Variants in TAFA5 observed in about 807,000 individuals in gnomAD.
The protein encoded by TAFA5 is TAFA chemokine like family member 5, also known as chemokine-like protein TAFA-5.
A neutral mutation model predicts 15.3 loss-of-function variants in TAFA5; 6 were observed. The ratio of observed to expected loss-of-function variants is 0.39; its 90% confidence interval spans 0.21 to 0.77. TAFA5 has a LOEUF of 0.77. TAFA5 is among the 30% of genes least tolerant of loss of function. The pLI is 0.41. For missense variants in TAFA5, 161 were observed against 193.1 expected (o/e 0.83, Z 0.98); for synonymous variants, 103 against 80.7 (o/e 1.28, Z -1.48).
chr22:48,511,709 G>A lies in TAFA5; in HGVS notation c.112+22005G>A, dbSNP rs535073186. Among the ~76,000 whole-genome samples the A allele has an allele frequency of 1.1e-4, 16 of 152,338 alleles. No homozygotes were observed. In the South Asian group the frequency reaches 3.3e-3, roughly 32 times the overall value. ...GTTGTCACCCGGCCCGGCACACACA[G>A]GCCCTGACGCAGGCCCATCTCTCCA... On this transcript the variant is annotated intron_variant, in intron 1 of 3. Transcript: ENST00000402357.
At chr22:48,612,606 T>TC (rs1220646896) in intron 1 of TAFA5, among the ~76,000 whole-genome samples, 1 of 152,040 alleles carries the variant, frequency 6.6e-6, no homozygotes, top group Non-Finnish European at 1.5e-5. Context: ...TGTCTGCTGT[T>TC]CCCCACGTGT....
At chr22:48,513,330 G>T (rs901992630) in intron 1 of TAFA5, among the ~76,000 whole-genome samples, 1 of 152,210 alleles carries the variant, frequency 6.6e-6, no homozygotes, top group Non-Finnish European at 1.5e-5. Flanking sequence ...TTTGTTACAG[G>T]CCGTTTTGCT....
chr22:48,745,332 C>T (rs1443591185), intron 3 of TAFA5, among the ~76,000 whole-genome samples: 1 of 150,256 alleles, frequency 6.7e-6, no homozygotes, highest in Non-Finnish European at 1.5e-5. Context: ...CCAGGGTTCA[C>T]CCTGAGCATG....
At chr22:48,710,780 G>T (rs1350785426) in intron 3 of TAFA5, among the ~76,000 whole-genome samples, 1 of 152,208 alleles carries the variant, frequency 6.6e-6, no homozygotes, top group Admixed American at 6.5e-5. Context: ...CCTGTCCGGT[G>T]CTTGGTGTGC....
chr22:48,538,744 T>G (rs1212727623), intron 1 of TAFA5, among the ~76,000 whole-genome samples: 2 of 152,158 alleles, frequency 1.3e-5, no homozygotes, highest in Admixed American at 6.5e-5. Flanking sequence ...CGGAGCTCAT[T>G]GAGGGCTCCT....
intron 1 of TAFA5, among the ~76,000 whole-genome samples, chr22:48,499,321 C>T (rs905155199): frequency 6.6e-6 from 1 of 152,182 alleles, no homozygotes; most frequent in Non-Finnish European, 1.5e-5. Context: ...CTGCTTGTTT[C>T]ATTACGCCTG....
chr22:48,709,733 T>C (rs1334274900), intron 3 of TAFA5, among the ~76,000 whole-genome samples: 1 of 152,172 alleles, frequency 6.6e-6, no homozygotes. Context: ...AGAGGACTGC[T>C]CAGTTCACCG....
At chr22:48,600,677 G>A (rs1924935701) in intron 1 of TAFA5, among the ~76,000 whole-genome samples, 1 of 152,204 alleles carries the variant, frequency 6.6e-6, no homozygotes, top group Non-Finnish European at 1.5e-5. Context: ...ATATTAAATG[G>A]AAAATTCCAG....
At chr22:48,693,538 C>T (rs534385550) in intron 2 of TAFA5, among the ~76,000 whole-genome samples, 6 of 152,276 alleles carry the variant, frequency 3.9e-5, no homozygotes, top group Non-Finnish European at 7.4e-5. Flanking sequence ...GCAGGAGGGG[C>T]GGCTGGGCCT....
At chr22:48,597,939 C>T (rs982033125) in intron 1 of TAFA5, among the ~76,000 whole-genome samples, 10 of 152,228 alleles carry the variant, frequency 6.6e-5, no homozygotes, top group Admixed American at 5.2e-4. Context: ...GGCATGAACA[C>T]AGGAGTCCCG....
intron 2 of TAFA5, among the ~76,000 whole-genome samples, chr22:48,687,729 C>T (rs1426156655): frequency 1.3e-5 from 2 of 152,178 alleles, no homozygotes; most frequent in East Asian, 3.9e-4. Flanking sequence ...GCTCCATACA[C>T]ACCCTGCTGG....
At chr22:48,724,042 G>C (rs1929645709) in intron 3 of TAFA5, among the ~76,000 whole-genome samples, 1 of 152,216 alleles carries the variant, frequency 6.6e-6, no homozygotes, top group Non-Finnish European at 1.5e-5. Context: ...CGGGGTGCTG[G>C]TTGCATTGCT....
At chr22:48,724,748 GC>G (rs1389895103) in intron 3 of TAFA5, among the ~76,000 whole-genome samples, 3 of 152,216 alleles carry the variant, frequency 2.0e-5, no homozygotes, top group Non-Finnish European at 2.9e-5. Context: ...TCCTTCTCAG[GC>G]CTGGGTCTAA....
chr22:48,575,775 C>T (rs1329124988), intron 1 of TAFA5, among the ~76,000 whole-genome samples: 2 of 144,300 alleles, frequency 1.4e-5, no homozygotes, highest in Non-Finnish European at 3.1e-5. Flanking sequence ...AGTTCGATCG[C>T]CGCGGGCTCG....
intron 2 of TAFA5, among the ~76,000 whole-genome samples, chr22:48,704,143 C>T (rs1401751763): frequency 6.6e-6 from 1 of 152,092 alleles, no homozygotes; most frequent in African/African-American, 2.4e-5. Context: ...ACTGGAGCCT[C>T]TTCCTTTCAT....
At chr22:48,559,152 T>C (rs1439065143) in intron 1 of TAFA5, among the ~76,000 whole-genome samples, 3 of 152,158 alleles carry the variant, frequency 2.0e-5, no homozygotes, top group Non-Finnish European at 4.4e-5. Context: ...GGGCTGCCCT[T>C]GACCTTGTTG....
intron 2 of TAFA5, among the ~76,000 whole-genome samples, chr22:48,698,798 C>T (rs146303538): frequency 0.61 from 90,079 of 147,160 alleles, 28,401 homozygotes; most frequent in African/African-American, 0.76. Context: ...AGGCCCCGTG[C>T]GTGGCCGGGG....
intron 1 of TAFA5, among the ~76,000 whole-genome samples, chr22:48,585,179 T>A (rs1025582443): frequency 7.3e-6 from 1 of 137,798 alleles, no homozygotes; most frequent in South Asian, 2.3e-4. Context: ...CACGACACAC[T>A]GTGCACACAT....
chr22:48,710,805 G>A (rs1929228276), intron 3 of TAFA5, among the ~76,000 whole-genome samples: 1 of 152,226 alleles, frequency 6.6e-6, no homozygotes, highest in Admixed American at 6.5e-5. Context: ...AGAGCCTGGG[G>A]GAGATGGCTG....
Sources: gnomAD v4.1 joint callset for allele counts (sites outside exome capture counted in the v4.1 genomes callset) on GRCh38, gnomAD v4.1.1 for gene constraint, MANE v1.5 for transcripts, NCBI Gene and HGNC (gene_info 2026-07-23, HGNC 2026-07-21) for gene names.